ARPP21: variants seen among roughly 807,000 people sequenced by gnomAD.
The protein encoded by ARPP21 is cAMP regulated phosphoprotein 21.
ARPP21 carries 69 observed loss-of-function variants against 113.2 expected under a neutral mutation model. The ratio of observed to expected loss-of-function variants is 0.61; its 90% CI spans 0.50 to 0.74. The LOEUF (loss-of-function observed/expected upper bound fraction) is 0.74. ARPP21 is among the 30% of genes least tolerant of loss of function. ARPP21 has a pLI of 0.00. For missense variants in ARPP21, 1,070 were observed against 1,037.4 expected (o/e 1.03, Z -0.43); for synonymous variants, 368 against 375.5 (o/e 0.98, Z 0.23).
intron 19 of ARPP21, among the ~76,000 whole-genome samples, chr3:35,753,957 T>G (rs949729962): frequency 6.9e-6 from 1 of 144,164 alleles, no homozygotes; most frequent in South Asian, 2.2e-4. Flanking sequence ...GTCAATGTAA[T>G]TGAGAAGGTT....
intron 19 of ARPP21, among the ~76,000 whole-genome samples, chr3:35,748,113 GAAAGAAAGAAAGA>G (rs2095230317): frequency 1.1e-5 from 1 of 87,608 alleles, no homozygotes. Flanking sequence ...AAAGAAAGAA[GAAAGAAAGAAAGA>G]AAAGAAAGAA....
At chr3:35,730,991 A>G (rs2093918226) in intron 15 of ARPP21, among the ~76,000 whole-genome samples, 1 of 152,220 alleles carries the variant, frequency 6.6e-6, no homozygotes, top group Admixed American at 6.5e-5. Context: ...TAAGCACTAT[A>G]AAGAAAATCA....
Position 35,792,465 on chromosome 3 carries a change from A to T in ARPP21, c.2221A>T (p.Asn741Tyr). 6.2e-7 allele frequency: 1 copy of T among 1,614,072 alleles called. No homozygotes were observed. Among genetic ancestry groups the T allele is most frequent in the Non-Finnish European group, 8.5e-7 (1 of 1,179,950 alleles). The change falls in exon 20 of 21, where the codon AAT becomes TAT. Residue 741 changes from asparagine (N) to tyrosine (Y), a missense_variant. Transcript: ENST00000684406. ...QQPPQSQNVI[N>Y]NQQGTPVQSV... ...GCCACCTCAGAGTCAGAACGTGATAAATAACCAACAAGGAACTCCGGTGCA... is the reference window on the plus strand; with the variant it reads ...GCCACCTCAGAGTCAGAACGTGATATATAACCAACAAGGAACTCCGGTGCA...
At chr3:35,739,786 C>T (rs2094549130) in intron 18 of ARPP21, among the ~76,000 whole-genome samples, 1 of 152,114 alleles carries the variant, frequency 6.6e-6, no homozygotes, top group African/African-American at 2.4e-5. Flanking sequence ...GAAACTGATC[C>T]AACTGCCCAT....
intron 11 of ARPP21, among the ~76,000 whole-genome samples, chr3:35,709,732 T>C (rs1268923008): frequency 6.6e-6 from 1 of 152,218 alleles, no homozygotes; most frequent in East Asian, 1.9e-4. Flanking sequence ...TGGATTTAAA[T>C]GCAAGGAAAA....
chr3:35,661,891 A>G (rs915371967), intron 1 of ARPP21, among the ~76,000 whole-genome samples: 3 of 152,016 alleles, frequency 2.0e-5, no homozygotes, highest in African/African-American at 4.8e-5. Flanking sequence ...GTTTTGAAAC[A>G]CTTCATGGGC....
At chr3:35,643,272 A>T (rs1394178384) in intron 1 of ARPP21, among the ~76,000 whole-genome samples, 1 of 152,112 alleles carries the variant, frequency 6.6e-6, no homozygotes, top group African/African-American at 2.4e-5. Flanking sequence ...TAGTCATATA[A>T]TTTTTAAATG....
At chr3:35,667,879 A>G (rs190245156) in intron 1 of ARPP21, among the ~76,000 whole-genome samples, 6 of 131,402 alleles carry the variant, frequency 4.6e-5, no homozygotes, top group African/African-American at 1.8e-4. Context: ...AAGAAGAAGA[A>G]GAAGAAGAAG....
At chr3:35,769,015 C>T (rs867600446) in intron 19 of ARPP21, among the ~76,000 whole-genome samples, 68 of 152,172 alleles carry the variant, frequency 4.5e-4, no homozygotes, top group African/African-American at 1.5e-3. Flanking sequence ...ATCAATAATC[C>T]TTGAAGAAAT....
intron 5 of ARPP21, chr3:35,684,728 CAG>C: frequency 2.0e-6 from 2 of 984,782 alleles, no homozygotes. Context: ...CTCATGGAAA[CAG>C]AGAGCATTGA....
At chr3:35,697,280 A>G (rs1450956455) in intron 9 of ARPP21, among the ~76,000 whole-genome samples, 1 of 151,636 alleles carries the variant, frequency 6.6e-6, no homozygotes, top group Admixed American at 6.6e-5. Context: ...GAGAGTGGAT[A>G]CAGGCCCTAG....
At chr3:35,653,171 G>A (rs988411545) in intron 1 of ARPP21, among the ~76,000 whole-genome samples, 1 of 152,048 alleles carries the variant, frequency 6.6e-6, no homozygotes, top group African/African-American at 2.4e-5. Flanking sequence ...GGGACTTTGT[G>A]TGCCTATGTA....
chr3:35,649,735 A>G (rs1369582049), intron 1 of ARPP21, among the ~76,000 whole-genome samples: 1 of 152,166 alleles, frequency 6.6e-6, no homozygotes, highest in Non-Finnish European at 1.5e-5. Flanking sequence ...CTTTAAGCAG[A>G]ACAGGTGCCA....
intron 13 of ARPP21, among the ~76,000 whole-genome samples, chr3:35,720,743 A>G (rs530293489): frequency 1.1e-3 from 162 of 152,280 alleles, no homozygotes; most frequent in Non-Finnish European, 1.9e-3. Context: ...AACACATGCA[A>G]TTTTGCATAT....
chr3:35,756,573 C>A (rs2095578550), intron 19 of ARPP21, among the ~76,000 whole-genome samples: 1 of 152,020 alleles, frequency 6.6e-6, no homozygotes. Context: ...TGACTCCCAC[C>A]AATCCCTAAT....
Position 35,729,421 on chromosome 3 carries a change from T to C in ARPP21, c.1344T>C (p.Tyr448=). The C allele has an allele frequency of 6.2e-7, 1 of 1,614,112 alleles. No homozygotes were observed. Among genetic ancestry groups the C allele is most frequent in the South Asian group, 1.1e-5 (1 of 91,080 alleles). ...VAAGSPGCVP[Y]PENGIGGQVA... ...CTGGCTCTCCAGGCTGTGTGCCTTA[T>C]CCAGAGAATGGAATAGGGGGCCAGG... The change falls in exon 15 of 21, where the codon TAT becomes TAC. Residue 448 remains tyrosine (Y), a synonymous_variant. Coordinates refer to ENST00000684406, the MANE Select transcript of ARPP21 (RefSeq NM_001385562.1).
chr3:35,788,094 T>G (rs2096668613), intron 19 of ARPP21, among the ~76,000 whole-genome samples: 1 of 152,152 alleles, frequency 6.6e-6, no homozygotes, highest in Non-Finnish European at 1.5e-5. Context: ...GAAGATAAAG[T>G]ACAGAAGAAT....
chr3:35,676,594 G>A (rs2077551838), intron 1 of ARPP21, among the ~76,000 whole-genome samples: 1 of 151,786 alleles, frequency 6.6e-6, no homozygotes. Flanking sequence ...TTAATTAAAG[G>A]GTAAAGCTCC....
intron 6 of ARPP21, among the ~76,000 whole-genome samples, chr3:35,688,094 G>C (rs1316140152): frequency 6.6e-6 from 1 of 151,428 alleles, no homozygotes; most frequent in Non-Finnish European, 1.5e-5. Context: ...GTTATTTTTA[G>C]GATCACATAT....
Sources: allele counts gnomAD v4.1 joint callset (sites outside exome capture counted in the v4.1 genomes callset), GRCh38; gene constraint gnomAD v4.1.1; transcripts MANE v1.5; gene names NCBI Gene and HGNC (gene_info 2026-07-23, HGNC 2026-07-21).